Variants in UBE2E2 observed in about 807,000 individuals in gnomAD.
UBE2E2 encodes ubiquitin-conjugating enzyme E2 E2.
UBE2E2 carries 6 observed loss-of-function variants against 24.7 expected under a neutral mutation model. The ratio of observed to expected loss-of-function variants is 0.24; its 90% CI spans 0.13 to 0.48. UBE2E2 has a LOEUF of 0.48. UBE2E2 is among the 20% of genes least tolerant of loss of function. The pLI, the probability that UBE2E2 is intolerant of heterozygous loss-of-function variation, is 0.99. For missense variants in UBE2E2, 169 were observed against 245.0 expected (o/e 0.69, Z 2.07); for synonymous variants, 104 against 83.6 (o/e 1.24, Z -1.33).
At chr3:23,306,986 A>G (rs1287588867) in intron 3 of UBE2E2, among the ~76,000 whole-genome samples, 1 of 152,182 alleles carries the variant, frequency 6.6e-6, no homozygotes, top group Non-Finnish European at 1.5e-5. Context: ...GTTCATAGGA[A>G]TTCTCTTGTT....
intron 3 of UBE2E2, chr3:23,271,060 C>T (rs1698228321): frequency 2.2e-6 from 1 of 455,418 alleles, no homozygotes; most frequent in Admixed American, 2.4e-5. Context: ...CTAACATACA[C>T]TAGGCACCCA....
chr3:23,269,633 A>T (rs932799370), intron 3 of UBE2E2, among the ~76,000 whole-genome samples: 15 of 152,158 alleles, frequency 9.9e-5, no homozygotes, highest in African/African-American at 3.6e-4. Flanking sequence ...AGAGAATCTC[A>T]ACTACTCTGG....
chr3:23,380,460 A>C (rs1440016498), intron 3 of UBE2E2, among the ~76,000 whole-genome samples: 1 of 152,130 alleles, frequency 6.6e-6, no homozygotes, highest in Admixed American at 6.5e-5. Context: ...TCTTTGCCTC[A>C]AGTGATCCTC....
chr3:23,394,358 T>C (rs538294643), intron 3 of UBE2E2, among the ~76,000 whole-genome samples: 2 of 152,300 alleles, frequency 1.3e-5, no homozygotes, highest in South Asian at 2.1e-4. Context: ...TACGAAATTG[T>C]GTAAATGGTC....
intron 3 of UBE2E2, among the ~76,000 whole-genome samples, chr3:23,447,759 G>T (rs907240009): frequency 6.6e-6 from 1 of 151,998 alleles, no homozygotes; most frequent in African/African-American, 2.4e-5. Flanking sequence ...TATAATTTTT[G>T]TGTGATAAGA....
At chr3:23,211,747 C>T (rs1050481718) in intron 2 of UBE2E2, among the ~76,000 whole-genome samples, 3 of 152,008 alleles carry the variant, frequency 2.0e-5, no homozygotes, top group Middle Eastern at 3.2e-3. Context: ...TTTCTTCTTT[C>T]GTAGAAGGAA....
chr3:23,485,893 G>T (rs1161401002), intron 3 of UBE2E2, among the ~76,000 whole-genome samples: 1 of 152,190 alleles, frequency 6.6e-6, no homozygotes, highest in Non-Finnish European at 1.5e-5. Flanking sequence ...TGTTTCCATG[G>T]TATAAGTGCA....
intron 3 of UBE2E2, among the ~76,000 whole-genome samples, chr3:23,356,345 C>G (rs1268043932): frequency 1.3e-5 from 2 of 152,168 alleles, no homozygotes; most frequent in Admixed American, 6.5e-5. Flanking sequence ...ATATTTCATG[C>G]TATTTCAGAA....
intron 4 of UBE2E2, among the ~76,000 whole-genome samples, chr3:23,526,032 G>C (rs998574536): frequency 6.6e-6 from 1 of 152,140 alleles, no homozygotes; most frequent in Non-Finnish European, 1.5e-5. Flanking sequence ...TTGTTGATAA[G>C]GTCTAGAAAA....
chr3:23,403,462 G>A (rs1697278805), intron 3 of UBE2E2, among the ~76,000 whole-genome samples: 1 of 152,190 alleles, frequency 6.6e-6, no homozygotes, highest in East Asian at 1.9e-4. Context: ...ATGGAATAAT[G>A]CTGCAGCCAC....
intron 5 of UBE2E2, among the ~76,000 whole-genome samples, chr3:23,539,173 T>C (rs1286107889): frequency 6.6e-6 from 1 of 152,172 alleles, no homozygotes; most frequent in East Asian, 1.9e-4. Context: ...ATTTAGCCCA[T>C]GGTATTTCTG....
chr3:23,317,706 A>G (rs910316385), intron 3 of UBE2E2, among the ~76,000 whole-genome samples: 3 of 152,010 alleles, frequency 2.0e-5, no homozygotes, highest in Non-Finnish European at 2.9e-5. Flanking sequence ...ACTCACTATC[A>G]TGAGAACAGC....
At chr3:23,491,538 AAGCCAGGAGACAAGAAAG>A (rs1319580871) in intron 3 of UBE2E2, among the ~76,000 whole-genome samples, 66 of 152,316 alleles carry the variant, frequency 4.3e-4, no homozygotes, top group African/African-American at 1.5e-3. Context: ...TCTTATGCAA[AAGCCAGGAGACAAGAAAG>A]AGCCCAGCTC....
chr3:23,489,023 T>G (rs1157283376), intron 3 of UBE2E2, among the ~76,000 whole-genome samples: 2 of 152,116 alleles, frequency 1.3e-5, no homozygotes, highest in Non-Finnish European at 1.5e-5. Context: ...ATGGTTACCT[T>G]TCTGGTTTTT....
intron 3 of UBE2E2, among the ~76,000 whole-genome samples, chr3:23,318,103 T>C (rs1009464654): frequency 1.3e-5 from 2 of 152,124 alleles, no homozygotes; most frequent in Non-Finnish European, 2.9e-5. Context: ...TCCAAGCTTC[T>C]CTAGTGTGTT....
intron 5 of UBE2E2, chr3:23,534,210 C>T: frequency 1.0e-6 from 1 of 982,746 alleles, no homozygotes; most frequent in Non-Finnish European, 1.2e-6. Flanking sequence ...AATCTGTTAC[C>T]CTGAATAAGC....
At chr3:23,588,417 T>TG (rs1470883652) in intron 5 of UBE2E2, among the ~76,000 whole-genome samples, 7 of 135,608 alleles carry the variant, frequency 5.2e-5, no homozygotes, top group African/African-American at 9.0e-5. Context: ...TTTGTTTTTT[T>TG]TTTTTTGTCT....
At chr3:23,549,974 A>G (rs188794423) in intron 5 of UBE2E2, among the ~76,000 whole-genome samples, 43 of 151,714 alleles carry the variant, frequency 2.8e-4, no homozygotes, top group African/African-American at 1.0e-3. Context: ...CGCAGGCTGT[A>G]GTAAGACGAG....
intron 4 of UBE2E2, among the ~76,000 whole-genome samples, chr3:23,499,948 T>TC (rs1559403825): frequency 6.6e-6 from 1 of 152,202 alleles, no homozygotes; most frequent in Non-Finnish European, 1.5e-5. Context: ...TTGTTTTTTT[T>TC]CTCCTCCTTT....
Sources: gnomAD v4.1 joint callset for allele counts (sites outside exome capture counted in the v4.1 genomes callset) on GRCh38, gnomAD v4.1.1 for gene constraint, MANE v1.5 for transcripts, NCBI Gene and HGNC (gene_info 2026-07-23, HGNC 2026-07-21) for gene names.